SNX31: variants seen among roughly 807,000 people sequenced by gnomAD.
SNX31 encodes sorting nexin 31.
Under a neutral mutation model 65.4 loss-of-function variants are expected in SNX31, and 58 were observed. That is an observed-to-expected ratio of 0.89 (90% CI 0.72 to 1.10). The LOEUF (loss-of-function observed/expected upper bound fraction) is 1.10, where lower values mean the gene tolerates loss of function less well. SNX31 is among the 50% of genes least tolerant of loss of function. The pLI, the probability that SNX31 is intolerant of heterozygous loss-of-function variation, is 0.00. For missense variants in SNX31, 523 were observed against 529.7 expected (o/e 0.99, Z 0.12); for synonymous variants, 181 against 190.1 (o/e 0.95, Z 0.39).
intron 13 of SNX31, among the ~76,000 whole-genome samples, chr8:100,574,882 C>T (rs549180752): frequency 3.9e-5 from 6 of 152,058 alleles, no homozygotes; most frequent in Admixed American, 2.6e-4. Context: ...TGCAATGAGC[C>T]GAGATGGCAC....
intron 4 of SNX31, among the ~76,000 whole-genome samples, chr8:100,623,301 G>T (rs1245154287): frequency 6.6e-6 from 1 of 152,104 alleles, no homozygotes. Context: ...AGCAACAAGG[G>T]GGAGGGCGCT....
Position 100,575,092 on chromosome 8 carries a change from G to T in SNX31, c.1228-1132C>A, listed in dbSNP as rs573428078. Reference sequence around the variant, plus strand: ...AAAAAAATGTGGAGCCCCTCAGTGGGCAGATGGGCTACAACTTTTTTTCTA... The same window carrying T: ...AAAAAAATGTGGAGCCCCTCAGTGGTCAGATGGGCTACAACTTTTTTTCTA... On this transcript the variant is annotated intron_variant, in intron 13 of 13. Coordinates refer to ENST00000311812, the MANE Select transcript of SNX31 (RefSeq NM_152628.4). This position sits in a 1 kb window ranked among gnomAD's most constrained non-coding sequence, Gnocchi z 5.1. 5.9e-5 allele frequency among the ~76,000 whole-genome samples: 9 copies of T among 152,324 alleles called. No homozygotes were observed. Among genetic ancestry groups the T allele is most frequent in the African/African-American group, 1.9e-4 (8 of 41,582 alleles).
chr8:100,641,621 C>T (rs1403390572), intron 2 of SNX31, among the ~76,000 whole-genome samples: 1 of 13,460 alleles, frequency 7.4e-5, no homozygotes, highest in Non-Finnish European at 1.1e-4. Context: ...CACGCACACA[C>T]GCGCATATAT....
intron 3 of SNX31, among the ~76,000 whole-genome samples, chr8:100,633,213 G>C (rs944847623): frequency 1.3e-5 from 2 of 152,048 alleles, no homozygotes; most frequent in Non-Finnish European, 2.9e-5. Context: ...GCAGGCATGA[G>C]CTACCATGCC....
chr8:100,582,774 G>A (rs943467734), intron 12 of SNX31, among the ~76,000 whole-genome samples: 3 of 151,686 alleles, frequency 2.0e-5, no homozygotes, highest in African/African-American at 7.3e-5. Flanking sequence ...TCAGGAGATC[G>A]AGACCATCCT....
chr8:100,590,305 G>C (rs955090263), intron 10 of SNX31, among the ~76,000 whole-genome samples: 3 of 152,218 alleles, frequency 2.0e-5, no homozygotes, highest in African/African-American at 7.2e-5. Flanking sequence ...TTCTTTAAGA[G>C]GTTTCAGCTA....
intron 7 of SNX31, among the ~76,000 whole-genome samples, 177 bp downstream of exon 7, chr8:100,611,823 T>C (rs1245355179): frequency 6.6e-6 from 1 of 152,218 alleles, no homozygotes; most frequent in Admixed American, 6.5e-5. Flanking sequence ...CCCAAGGTAC[T>C]GGGATTATAG....
upstream of SNX31, among the ~76,000 whole-genome samples, chr8:100,650,146 T>G (rs920112583): frequency 6.6e-6 from 1 of 152,250 alleles, no homozygotes; most frequent in Non-Finnish European, 1.5e-5. Context: ...ACATAAACAC[T>G]TGGTTCTCTG....
intron 3 of SNX31, among the ~76,000 whole-genome samples, chr8:100,631,119 G>C (rs914787842): frequency 2.6e-4 from 39 of 151,964 alleles, no homozygotes; most frequent in Admixed American, 2.4e-3. Flanking sequence ...AGGAGTTCTC[G>C]AGATGTTACC....
At position 100,581,323 on chromosome 8, in the gene SNX31, ATCTATCTATC is replaced by A. The variant is rs1280469391; in HGVS notation, c.1170+2778_1170+2787del. Among the ~76,000 whole-genome samples the A allele has an allele frequency of 5.4e-3, 680 of 125,118 alleles. 25 individuals are homozygous for A. Among genetic ancestry groups the A allele is most frequent in the African/African-American group, 0.026 (641 of 24,714 alleles). The allele number at this position is 125,118 out of a possible 152,430, so 82.1% of individuals were successfully genotyped here. On this transcript the variant is annotated intron_variant, in intron 12 of 13. Coordinates refer to ENST00000311812, the MANE Select transcript of SNX31 (RefSeq NM_152628.4). ...TTAAAAAAATTTTTTATATATCTAT[ATCTATCTATC>A]TATCTATATATATATATATATATAA...
At chr8:100,641,883 C>T (rs889155099) in intron 2 of SNX31, among the ~76,000 whole-genome samples, 4 of 150,906 alleles carry the variant, frequency 2.7e-5, no homozygotes, top group African/African-American at 4.9e-5. Context: ...TCTAGACCAT[C>T]CTGGCTAACG....
intron 2 of SNX31, among the ~76,000 whole-genome samples, chr8:100,643,050 G>A (rs1819369584): frequency 1.3e-5 from 2 of 152,110 alleles, no homozygotes; most frequent in South Asian, 4.2e-4. Context: ...AATTAGCCAG[G>A]TGTGGTGGCA....
Position 100,621,548 on chromosome 8 carries a change from T to A in SNX31, c.322-3818A>T, listed in dbSNP as rs370982724. Among the ~76,000 whole-genome samples the A allele has an allele frequency of 1.6e-4, 24 of 152,212 alleles. No individual in the cohort carries two copies. In the East Asian group the frequency reaches 2.1e-3, roughly 13 times the overall value. On this transcript the variant is annotated intron_variant, in intron 4 of 13. Transcript: ENST00000311812. ...AAATGATCTCTTGAGACCATCTCCA[T>A]CTTACCACCAGCACCTTAGACCCAG... is the stretch of plus-strand genomic sequence containing the variant.
intron 4 of SNX31, among the ~76,000 whole-genome samples, chr8:100,623,788 A>C (rs1164126389): frequency 6.6e-6 from 1 of 152,124 alleles, no homozygotes; most frequent in East Asian, 1.9e-4. Context: ...CCTACTCACC[A>C]GCAGCAAACT....
intron 11 of SNX31, 103 bp from the exon 12 acceptor site, chr8:100,584,291 A>G: frequency 1.3e-6 from 1 of 762,762 alleles, no homozygotes; most frequent in Admixed American, 3.8e-5. Context: ...CCCTCCAATA[A>G]CACAGATTCA....
At chr8:100,634,827 G>A (rs1266649828) in intron 3 of SNX31, among the ~76,000 whole-genome samples, 1 of 151,866 alleles carries the variant, frequency 6.6e-6, no homozygotes, top group African/African-American at 2.4e-5. Flanking sequence ...AGGCTGACAT[G>A]GGAGGATTGC....
At chr8:100,642,039 A>C (rs1243181835) in intron 2 of SNX31, among the ~76,000 whole-genome samples, 1 of 151,998 alleles carries the variant, frequency 6.6e-6, no homozygotes, top group Non-Finnish European at 1.5e-5. Flanking sequence ...AGATCGCGCC[A>C]CTGCACTCCA....
intron 4 of SNX31, among the ~76,000 whole-genome samples, chr8:100,627,378 G>C (rs1818112609): frequency 6.6e-6 from 1 of 151,926 alleles, no homozygotes; most frequent in African/African-American, 2.4e-5. Flanking sequence ...AACAAACAGA[G>C]ATATACAAAA....
intron 10 of SNX31, among the ~76,000 whole-genome samples, chr8:100,591,991 AG>A (rs1563522883): frequency 6.6e-6 from 1 of 152,250 alleles, no homozygotes; most frequent in Non-Finnish European, 1.5e-5. Context: ...GAATAGGAGG[AG>A]GAAAATATGA....
Sources: allele counts gnomAD v4.1 joint callset (sites outside exome capture counted in the v4.1 genomes callset), GRCh38; gene constraint gnomAD v4.1.1; non-coding constraint Gnocchi (gnomAD v3.1); transcripts MANE v1.5; gene names NCBI Gene and HGNC (gene_info 2026-07-23, HGNC 2026-07-21).